The following SLC4A7 variants were observed in gnomAD, a reference collection of about 807,000 sequenced individuals.
The protein encoded by SLC4A7 is solute carrier family 4 member 7, also known as sodium bicarbonate cotransporter 3.
Under a neutral mutation model 137.6 loss-of-function variants are expected in SLC4A7, and 51 were observed. That is an observed-to-expected ratio of 0.37 (90% CI 0.30 to 0.47). The LOEUF (loss-of-function observed/expected upper bound fraction) is 0.47, where lower values mean the gene tolerates loss of function less well. SLC4A7 is among the 20% of genes least tolerant of loss of function. The pLI, the probability that SLC4A7 is intolerant of heterozygous loss-of-function variation, is 1.00. For missense variants in SLC4A7, 1,247 were observed against 1,525.4 expected, an observed-to-expected ratio of 0.82 and a Z score of 3.04; for synonymous variants, 542 against 518.6, an observed-to-expected ratio of 1.05 and a Z score of -0.61.
chr3:27,401,844 G>A (rs1340507847), intron 15 of SLC4A7, among the ~76,000 whole-genome samples: 2 of 152,180 alleles, frequency 1.3e-5, no homozygotes, highest in Non-Finnish European at 2.9e-5. Flanking sequence ...AAAGGTCAAA[G>A]AAGCAAAAGG....
intron 3 of SLC4A7, among the ~76,000 whole-genome samples, chr3:27,446,394 C>G (rs1288879881): frequency 6.6e-6 from 1 of 152,086 alleles, no homozygotes; most frequent in Non-Finnish European, 1.5e-5. Context: ...AAGACAAAAA[C>G]TTCAGGGACA....
chr3:27,436,401 T>G lies in SLC4A7; in HGVS notation c.576A>C (p.Leu192=). 1 of 1,611,290 alleles carries G rather than the reference T, an allele frequency of 6.2e-7. No individual in the cohort carries two copies. The highest frequency in any genetic ancestry group is 8.5e-7 in the Non-Finnish European group (1 of 1,178,724). Residue 192 remains leucine (L), a synonymous_variant, in exon 5 of 26, where the codon CTA becomes CTC. Transcript: ENST00000454389. ...TVMLDMRAST[L]DEIADMVLDN... is the part of the protein sequence containing the mutation. Reference sequence around the variant, plus strand: ...GTTTACTATAACCTGCTATTTCATCTAGAGTGCTTGCTCTCATATCCAGCA... The same window carrying G: ...GTTTACTATAACCTGCTATTTCATCGAGAGTGCTTGCTCTCATATCCAGCA...
chr3:27,382,630 C>T (rs1346366166), intron 24 of SLC4A7, among the ~76,000 whole-genome samples: 1 of 152,154 alleles, frequency 6.6e-6, no homozygotes, highest in Non-Finnish European at 1.5e-5. Flanking sequence ...TGAACCCTCA[C>T]CGCCAATAAT....
chr3:27,456,248 A>G (rs1263714045), intron 1 of SLC4A7, among the ~76,000 whole-genome samples: 2 of 152,202 alleles, frequency 1.3e-5, no homozygotes, highest in Admixed American at 6.5e-5. Flanking sequence ...TTTCCATTAT[A>G]TAAGACATAT....
chr3:27,435,620 G>C (rs1406651343), intron 5 of SLC4A7, among the ~76,000 whole-genome samples: 4 of 152,188 alleles, frequency 2.6e-5, no homozygotes, highest in Non-Finnish European at 4.4e-5. Flanking sequence ...TGGGCAGGTT[G>C]TTTGAGTTCA....
intron 1 of SLC4A7, among the ~76,000 whole-genome samples, chr3:27,463,810 C>G (rs1429487684): frequency 6.6e-6 from 1 of 152,190 alleles, no homozygotes; most frequent in Admixed American, 6.5e-5. Context: ...GTTAGCAGGA[C>G]TCCATCTCAC....
chr3:27,377,011 C>A (rs909793566), intron 25 of SLC4A7, among the ~76,000 whole-genome samples, 166 bp from the exon 26 acceptor site: 1 of 151,956 alleles, frequency 6.6e-6, no homozygotes, highest in African/African-American at 2.4e-5. Context: ...ACTGGAAAAG[C>A]AAATATTAAA....
rs201738916 is a variant in SLC4A7 at position 27,400,775 on chromosome 3, G to A, written c.2416C>T (p.Leu806Phe). The A allele has an allele frequency of 1.9e-5, 30 of 1,575,004 alleles. No individual in the cohort carries two copies. The Admixed American group carries it at 4.2e-4, about 22-fold the overall frequency. The part of the protein sequence containing the change: ...ITAHNISWRN[L>F]TVSECKKLRG... ...CAAAATATACTCACAGAAACAGTAAGATTTCTCCAGGAAATATTGTGTGCT... is the reference window on the plus strand; with the variant it reads ...CAAAATATACTCACAGAAACAGTAAAATTTCTCCAGGAAATATTGTGTGCT... The change falls in exon 16 of 26, where the codon CTT becomes TTT. Residue 806 changes from leucine (L) to phenylalanine (F), a missense_variant. Transcript: ENST00000454389.
intron 1 of SLC4A7, among the ~76,000 whole-genome samples, chr3:27,478,355 T>C (rs886831338): frequency 6.6e-6 from 1 of 151,374 alleles, no homozygotes; most frequent in Non-Finnish European, 1.5e-5. Context: ...CTGTCTCTAC[T>C]AAAAATACAA....
chr3:27,400,705 A>G, intron 16 of SLC4A7, 59 bp downstream of exon 16: 1 of 964,562 alleles, frequency 1.0e-6, no homozygotes, highest in Non-Finnish European at 1.6e-6. Context: ...TGATTAGAAA[A>G]AGCTAAAAGA....
intron 1 of SLC4A7, among the ~76,000 whole-genome samples, chr3:27,467,606 A>T (rs1047888718): frequency 6.6e-6 from 1 of 152,238 alleles, no homozygotes; most frequent in Non-Finnish European, 1.5e-5. Context: ...AACCTGTCTC[A>T]CTTTAAAACA....
chr3:27,408,311 T>C (rs2053577380), intron 13 of SLC4A7, among the ~76,000 whole-genome samples: 1 of 152,202 alleles, frequency 6.6e-6, no homozygotes, highest in Admixed American at 6.5e-5. Context: ...AATTCCATGA[T>C]GGTAACAGAT....
At chr3:27,447,273 A>G (rs2057728153) in intron 3 of SLC4A7, among the ~76,000 whole-genome samples, 1 of 152,106 alleles carries the variant, frequency 6.6e-6, no homozygotes, top group Non-Finnish European at 1.5e-5. Flanking sequence ...GTATTTTTAA[A>G]ATGCTAAGAT....
chr3:27,422,592 A>G (rs1370391565), intron 8 of SLC4A7, among the ~76,000 whole-genome samples: 1 of 152,194 alleles, frequency 6.6e-6, no homozygotes. Context: ...TAAAACAAAA[A>G]TCTATAGCCC....
At position 27,443,980 on chromosome 3, in the gene SLC4A7, TG is replaced by T. The variant is rs1282525124; in HGVS notation, c.289+4670del. On this transcript the variant is annotated intron_variant, in intron 3 of 25. Coordinates refer to ENST00000454389, the MANE Select transcript of SLC4A7 (RefSeq NM_001321103.2). Reference sequence around the variant, plus strand: ...ACTTCTTTTAAATTATACTGAGACTTGTTTTATGGACTAGAATATGATCTTG... The same window carrying T: ...ACTTCTTTTAAATTATACTGAGACTTTTTTATGGACTAGAATATGATCTTG... Among the ~76,000 whole-genome samples, 27 of 152,334 alleles carry T rather than the reference TG, an allele frequency of 1.8e-4. No individual in the cohort carries two copies. The East Asian group carries it at 5.2e-3, about 29-fold the overall frequency.
At chr3:27,448,167 G>A (rs534523285) in intron 3 of SLC4A7, among the ~76,000 whole-genome samples, 172 of 143,060 alleles carry the variant, frequency 1.2e-3, no homozygotes, top group African/African-American at 4.1e-3. Context: ...AGCCGAGATC[G>A]TACCACTGCA....
intron 1 of SLC4A7, among the ~76,000 whole-genome samples, chr3:27,453,024 C>T (rs933751554): frequency 6.6e-5 from 10 of 152,092 alleles, no homozygotes; most frequent in Non-Finnish European, 1.3e-4. Flanking sequence ...TTTTTCTTTT[C>T]CCCCAAAGTA....
At position 27,448,695 on chromosome 3, in the gene SLC4A7, T is replaced by C; in HGVS notation, c.245A>G (p.Asp82Gly). ...TCCATCTTCTTTATCTGATTCTTTA[T>C]CTTTTCTTCTCCGGTGGTGATGTTT... The part of the protein sequence containing the change: ...GHKHHHRRRK[D>G]KESDKEDGRE... Residue 82 changes from aspartate to glycine, a missense_variant, in exon 3 of 26, where the codon GAT becomes GGT. Physicochemically the swap from Asp to Gly is moderately conservative, Grantham distance 94. Transcript: ENST00000454389. The C allele has an allele frequency of 1.2e-6, 2 of 1,613,278 alleles. No homozygotes were observed. The highest frequency in any genetic ancestry group is 1.7e-6 in the Non-Finnish European group (2 of 1,179,448).
intron 1 of SLC4A7, among the ~76,000 whole-genome samples, chr3:27,457,750 T>G (rs1410234710): frequency 2.0e-5 from 3 of 152,160 alleles, no homozygotes; most frequent in Admixed American, 1.3e-4. Flanking sequence ...TATCAAAAAT[T>G]TTTTTAAATC....
Sources: allele counts gnomAD v4.1 joint callset (sites outside exome capture counted in the v4.1 genomes callset), GRCh38; gene constraint gnomAD v4.1.1; transcripts MANE v1.5; gene names NCBI Gene and HGNC (gene_info 2026-07-23, HGNC 2026-07-21).